PACRG: variants seen among roughly 807,000 people sequenced by gnomAD.
The protein encoded by PACRG is parkin coregulated.
Under a neutral mutation model 29.7 loss-of-function variants are expected in PACRG, and 29 were observed. The observed-to-expected ratio is 0.98, with a 90% CI of 0.73 to 1.33. The LOEUF is 1.33. Among genes scored for constraint, PACRG ranks in the 40% most tolerant of loss-of-function variants. The probability of loss-of-function intolerance (pLI) is 0.00; values close to 1 mark genes in which losing one functional copy is unlikely to be tolerated. For missense variants in PACRG, 279 were observed against 316.2 expected (o/e 0.88, Z 0.89); for synonymous variants, 116 against 118.7 (o/e 0.98, Z 0.15).
At chr6:162,914,095 C>T (rs956879642) in intron 2 of PACRG, among the ~76,000 whole-genome samples, 2 of 151,740 alleles carry the variant, frequency 1.3e-5, no homozygotes, top group African/African-American at 4.8e-5. Context: ...TCATTTTTTT[C>T]TTTTATGGTT....
At chr6:163,242,084 C>T (rs1782530407) in intron 4 of PACRG, among the ~76,000 whole-genome samples, 1 of 152,088 alleles carries the variant, frequency 6.6e-6, no homozygotes, top group African/African-American at 2.4e-5. Flanking sequence ...TTTTTTTAAA[C>T]TTATTGAGCT....
At chr6:162,937,529 C>T (rs1798321065) in intron 2 of PACRG, among the ~76,000 whole-genome samples, 1 of 152,140 alleles carries the variant, frequency 6.6e-6, no homozygotes, top group African/African-American at 2.4e-5. Context: ...ACATCTATGT[C>T]TCGGGTGTTA....
intron 2 of PACRG, among the ~76,000 whole-genome samples, chr6:162,965,627 A>G (rs778921061): frequency 6.6e-6 from 1 of 152,200 alleles, no homozygotes; most frequent in South Asian, 2.1e-4. Context: ...AGATTTAAAC[A>G]TGTGAAGTTT....
intron 2 of PACRG, among the ~76,000 whole-genome samples, chr6:163,035,241 A>C (rs887167296): frequency 6.6e-6 from 1 of 152,158 alleles, no homozygotes; most frequent in Admixed American, 6.5e-5. Context: ...GGCCGGGCAC[A>C]GTGGCTCATG....
At chr6:162,874,811 A>G (rs975274359) in intron 2 of PACRG, among the ~76,000 whole-genome samples, 11 of 151,942 alleles carry the variant, frequency 7.2e-5, no homozygotes, top group Admixed American at 2.6e-4. Flanking sequence ...ACAAAGTCAC[A>G]TTCATACGAC....
intron 2 of PACRG, among the ~76,000 whole-genome samples, chr6:162,876,900 AG>A (rs1260724798): frequency 3.3e-5 from 5 of 152,208 alleles, no homozygotes; most frequent in Non-Finnish European, 7.3e-5. Context: ...GGTGTAAGGA[AG>A]GGGTCCACGC....
chr6:162,767,936 CA>C (rs1360879256), intron 1 of PACRG, among the ~76,000 whole-genome samples: 1 of 151,914 alleles, frequency 6.6e-6, no homozygotes, highest in Non-Finnish European at 1.5e-5. Flanking sequence ...CTGCAATCAC[CA>C]CTCCCCTGAA....
intron 4 of PACRG, among the ~76,000 whole-genome samples, chr6:163,202,962 T>G (rs1243832528): frequency 6.6e-6 from 1 of 151,968 alleles, no homozygotes; most frequent in African/African-American, 2.4e-5. Context: ...AAAAACAAGT[T>G]TTAGAGGAGC....
intron 4 of PACRG, among the ~76,000 whole-genome samples, chr6:163,282,724 A>AG (rs1784261467): frequency 6.6e-6 from 1 of 152,116 alleles, no homozygotes; most frequent in African/African-American, 2.4e-5. Context: ...AAAAAAAAAA[A>AG]AAAAGAAAAG....
At position 163,022,024 on chromosome 6, in the gene PACRG, G is replaced by A. The variant is rs571176994; in HGVS notation, c.292-40126G>A. 7.7e-4 allele frequency among the ~76,000 whole-genome samples: 118 copies of A among 152,290 alleles called. 1 individual carries two copies. The highest frequency in any genetic ancestry group is 2.6e-3 in the African/African-American group (108 of 41,570). ...ATGCACAGCCGACCACGGACCCCCT[G>A]CTGGGAGGCAGTCTCCGAAGCTGCC... On this transcript the variant is annotated intron_variant, in intron 2 of 4. Transcript: ENST00000366888.
intron 4 of PACRG, among the ~76,000 whole-genome samples, chr6:163,107,194 G>T (rs1815431353): frequency 6.6e-6 from 1 of 151,922 alleles, no homozygotes; most frequent in South Asian, 2.1e-4. Context: ...AAACCATGAG[G>T]GTTCTTTCAT....
chr6:162,947,614 A>ATATACTCATATATCTATATATGAT (rs1562767321), intron 2 of PACRG, among the ~76,000 whole-genome samples: 1 of 15,054 alleles, frequency 6.6e-5, no homozygotes, highest in Non-Finnish European at 1.4e-4. Flanking sequence ...ATATAATCAT[A>ATATACTCATATATCTATATATGAT]TATATATATA....
chr6:162,816,274 A>ATATTCCGGAAGCTACTGT (rs1787331773), intron 2 of PACRG, among the ~76,000 whole-genome samples: 1 of 152,186 alleles, frequency 6.6e-6, no homozygotes, highest in South Asian at 2.1e-4. Flanking sequence ...GAAGCTGTGG[A>ATATTCCGGAAGCTACTGT]CTTCTTTTAG....
intron 4 of PACRG, among the ~76,000 whole-genome samples, chr6:163,153,933 G>C (rs1475078078): frequency 2.0e-5 from 3 of 152,222 alleles, no homozygotes; most frequent in Admixed American, 6.5e-5. Flanking sequence ...GAAGAAAGCA[G>C]TGATTCCCAG....
chr6:163,039,923 C>T (rs375626863), intron 2 of PACRG, among the ~76,000 whole-genome samples: 1 of 152,224 alleles, frequency 6.6e-6, no homozygotes, highest in Non-Finnish European at 1.5e-5. Context: ...TGGTGAGGAA[C>T]TCAAGCTGGC....
chr6:163,058,661 C>T (rs1810811460), intron 2 of PACRG, among the ~76,000 whole-genome samples: 1 of 152,088 alleles, frequency 6.6e-6, no homozygotes, highest in South Asian at 2.1e-4. Context: ...CTTTGGGAGG[C>T]CAAGGCGAGC....
chr6:163,092,362 G>C (rs1814185958), intron 4 of PACRG, among the ~76,000 whole-genome samples: 1 of 152,156 alleles, frequency 6.6e-6, no homozygotes, highest in Non-Finnish European at 1.5e-5. Flanking sequence ...AATCAAGTAG[G>C]GGAGGGAGGA....
chr6:163,055,629 A>C lies in PACRG; in HGVS notation c.292-6521A>C, dbSNP rs1321512280. ...AAATATAATGGCAAATTGTTATTCT[A>C]TTATTTTGTTGTTATTTGTTTTTTA... On this transcript the variant is annotated intron_variant, in intron 2 of 4. Coordinates refer to ENST00000366888, the MANE Select transcript of PACRG (RefSeq NM_001080379.2). This position sits in a 1 kb window ranked among gnomAD's most constrained non-coding sequence, Gnocchi z 4.0. Among the ~76,000 whole-genome samples, 1 of 152,156 alleles carries C rather than the reference A, an allele frequency of 6.6e-6. No homozygotes were observed. Among genetic ancestry groups the C allele is most frequent in the Non-Finnish European group, 1.5e-5 (1 of 68,018 alleles).
chr6:162,728,140 C>T lies in PACRG; in HGVS notation c.-96C>T, dbSNP rs2128244045. The T allele has an allele frequency of 7.0e-7, 1 of 1,425,130 alleles. No homozygotes were observed. Among genetic ancestry groups the T allele is most frequent in the South Asian group, 1.3e-5 (1 of 75,894 alleles). 88.3% of individuals were successfully genotyped at this position (1,425,130 alleles called of 1,614,324 possible). A position where few individuals can be genotyped will look rare whatever the true frequency, so the allele number is the denominator to read the frequency against. On this transcript the variant is annotated 5_prime_UTR_variant, in exon 1 of 5. Coordinates refer to ENST00000366888, the MANE Select transcript of PACRG (RefSeq NM_001080379.2). The stretch of plus-strand genomic sequence containing the variant: ...GGTTGAATTTCTACCATTATCGCGC[C>T]TTTTGATATTTTTTTCCAGACCTCC...
Sources: allele counts gnomAD v4.1 joint callset (sites outside exome capture counted in the v4.1 genomes callset), GRCh38; gene constraint gnomAD v4.1.1; non-coding constraint Gnocchi (gnomAD v3.1); transcripts MANE v1.5; gene names NCBI Gene and HGNC (gene_info 2026-07-23, HGNC 2026-07-21).